Variants in PTPRD observed in about 807,000 individuals in gnomAD.
The protein encoded by PTPRD is receptor-type tyrosine-protein phosphatase delta.
A neutral mutation model predicts 214.5 loss-of-function variants in PTPRD; 34 were observed. The observed-to-expected ratio is 0.16, with a 90% CI of 0.12 to 0.21. The LOEUF (loss-of-function observed/expected upper bound fraction) is 0.21, where lower values mean the gene tolerates loss of function less well. Ranked by LOEUF, PTPRD falls within the 10% of genes least tolerant of loss-of-function variation. The pLI is 1.00. For synonymous variants in PTPRD, 1,128 were observed against 845.7 expected (o/e 1.33, Z -5.79); for missense variants, 2,545 against 2,398.7 (o/e 1.06, Z -1.27).
chr9:8,994,032 A>T (rs2099387366), intron 11 of PTPRD, among the ~76,000 whole-genome samples: 1 of 152,104 alleles, frequency 6.6e-6, no homozygotes, highest in African/African-American at 2.4e-5. Context: ...GATTCAGGAA[A>T]CTTTTACCCA....
chr9:10,500,938 G>C (rs2043492118), intron 2 of PTPRD, among the ~76,000 whole-genome samples: 1 of 151,794 alleles, frequency 6.6e-6, no homozygotes, highest in Non-Finnish European at 1.5e-5. Flanking sequence ...CCGTTCATCT[G>C]CTAATGGACA....
At chr9:9,812,952 G>C (rs2047607893) in intron 5 of PTPRD, among the ~76,000 whole-genome samples, 1 of 151,998 alleles carries the variant, frequency 6.6e-6, no homozygotes. Flanking sequence ...TATCATATTT[G>C]GTAAGATTGG....
intron 9 of PTPRD, among the ~76,000 whole-genome samples, chr9:9,244,458 A>G (rs1244537622): frequency 2.0e-5 from 3 of 152,146 alleles, no homozygotes; most frequent in Non-Finnish European, 4.4e-5. Flanking sequence ...AATGGAACAG[A>G]ACAGAGCCCT....
chr9:9,923,250 T>A (rs1354648252), intron 5 of PTPRD, among the ~76,000 whole-genome samples: 1 of 41,720 alleles, frequency 2.4e-5, no homozygotes, highest in Non-Finnish European at 3.5e-5. Context: ...TTTCTGTTAG[T>A]TTTTTTTTTC....
chr9:10,047,621 A>T (rs291257), intron 3 of PTPRD, among the ~76,000 whole-genome samples: 58,143 of 151,680 alleles, frequency 0.38, 11,484 homozygotes, highest in African/African-American at 0.48. Flanking sequence ...CCCTGCCAAA[A>T]TTTGTGTTGA....
chr9:9,470,064 C>G (rs2094486171), intron 8 of PTPRD, among the ~76,000 whole-genome samples: 2 of 152,142 alleles, frequency 1.3e-5, no homozygotes, highest in Non-Finnish European at 2.9e-5. Context: ...GCTTTTATCT[C>G]AAGTGCATAC....
chr9:10,342,839 C>A (rs1184736665), intron 2 of PTPRD, among the ~76,000 whole-genome samples: 1 of 152,020 alleles, frequency 6.6e-6, no homozygotes, highest in Non-Finnish European at 1.5e-5. Flanking sequence ...TATCTACTTA[C>A]CAGCATATGT....
At chr9:9,202,698 C>A (rs543809452) in intron 9 of PTPRD, among the ~76,000 whole-genome samples, 1 of 152,244 alleles carries the variant, frequency 6.6e-6, no homozygotes, top group South Asian at 2.1e-4. Flanking sequence ...AAAATATGTT[C>A]CTACCAAATG....
chr9:8,855,938 C>T (rs1280151367), intron 11 of PTPRD, among the ~76,000 whole-genome samples: 1 of 152,142 alleles, frequency 6.6e-6, no homozygotes, highest in Non-Finnish European at 1.5e-5. Context: ...TAGCTGATAG[C>T]ATGAGGGTGA....
At chr9:8,720,414 G>C (rs902132717) in intron 12 of PTPRD, among the ~76,000 whole-genome samples, 1 of 152,164 alleles carries the variant, frequency 6.6e-6, no homozygotes, top group Non-Finnish European at 1.5e-5. Flanking sequence ...GCCAGTCAGG[G>C]GACTAACCCA....
At chr9:9,051,812 T>C (rs977149629) in intron 10 of PTPRD, among the ~76,000 whole-genome samples, 14 of 152,314 alleles carry the variant, frequency 9.2e-5, no homozygotes, top group African/African-American at 3.1e-4. Context: ...ACCAAATTCA[T>C]TTAAATCAAA....
intron 14 of PTPRD, among the ~76,000 whole-genome samples, chr9:8,560,462 CACACACACACAT>C (rs1048528581): frequency 2.9e-5 from 4 of 138,796 alleles, no homozygotes; most frequent in African/African-American, 9.5e-5. Context: ...CACACACACA[CACACACACACAT>C]ATATACACTG....
At chr9:10,261,732 A>G (rs1219638686) in intron 3 of PTPRD, among the ~76,000 whole-genome samples, 1 of 152,152 alleles carries the variant, frequency 6.6e-6, no homozygotes, top group East Asian at 1.9e-4. Context: ...GTAAGAAACG[A>G]ATGGAATCAT....
intron 36 of PTPRD, among the ~76,000 whole-genome samples, chr9:8,391,612 T>G (rs2089592721): frequency 1.3e-5 from 2 of 152,156 alleles, no homozygotes; most frequent in African/African-American, 4.8e-5. Flanking sequence ...TTTCAAAACT[T>G]TAATTTAGCA....
intron 9 of PTPRD, among the ~76,000 whole-genome samples, chr9:9,221,202 T>A (rs1274450252): frequency 6.6e-6 from 1 of 152,092 alleles, no homozygotes; most frequent in Non-Finnish European, 1.5e-5. Flanking sequence ...GAAAATTAAA[T>A]GCATTCATTG....
chr9:8,808,269 C>T (rs796425548), intron 11 of PTPRD, among the ~76,000 whole-genome samples: 87 of 152,244 alleles, frequency 5.7e-4, no homozygotes, highest in African/African-American at 2.0e-3. Context: ...TGAACAACAG[C>T]AACCACAGTG....
chr9:9,646,492 T>C (rs1338725715), intron 7 of PTPRD, among the ~76,000 whole-genome samples: 1 of 152,180 alleles, frequency 6.6e-6, no homozygotes, highest in Non-Finnish European at 1.5e-5. Flanking sequence ...AGTTTTCTGT[T>C]TATTTTTCTG....
intron 5 of PTPRD, among the ~76,000 whole-genome samples, chr9:9,846,737 C>A (rs1486311505): frequency 6.6e-6 from 1 of 152,046 alleles, no homozygotes; most frequent in African/African-American, 2.4e-5. Context: ...AAAAATGAAA[C>A]TGAAAGGTAT....
At chr9:10,508,388 C>T (rs943314294) in intron 2 of PTPRD, among the ~76,000 whole-genome samples, 9 of 152,136 alleles carry the variant, frequency 5.9e-5, no homozygotes, top group African/African-American at 1.4e-4. Context: ...GACAGTGCGG[C>T]GATTCCTCAG....
Sources: allele counts gnomAD v4.1 joint callset (sites outside exome capture counted in the v4.1 genomes callset), GRCh38; gene constraint gnomAD v4.1.1; transcripts MANE v1.5; gene names NCBI Gene and HGNC (gene_info 2026-07-23, HGNC 2026-07-21).